The following TSNARE1 variants were observed in gnomAD, a reference collection of about 807,000 sequenced individuals.
TSNARE1 encodes the protein t-SNARE domain containing 1, also known as t-SNARE domain-containing protein 1.
A neutral mutation model predicts 62.0 loss-of-function variants in TSNARE1; 49 were observed. The observed-to-expected ratio is 0.79, with a 90% CI of 0.63 to 1.00. TSNARE1 has a LOEUF of 1.00. TSNARE1 is among the 50% of genes least tolerant of loss of function. The pLI is 0.00. For missense variants in TSNARE1, 755 were observed against 700.1 expected (o/e 1.08, Z -0.88); for synonymous variants, 328 against 294.4 (o/e 1.11, Z -1.17).
rs139825680 is a variant in TSNARE1 at position 142,276,536 on chromosome 8, T to C, written c.1364-1673A>G. The C allele has an allele frequency of 1.4e-3, 1,336 of 985,414 alleles. 4 individuals carry two copies. Among genetic ancestry groups the C allele is most frequent in the Middle Eastern group, 2.1e-3 (4 of 1,914 alleles). 61.0% of individuals were successfully genotyped at this position (985,414 alleles called of 1,614,324 possible). A position where few individuals can be genotyped will look rare whatever the true frequency, so the allele number is the denominator to read the frequency against. On this transcript the variant is annotated intron_variant, in intron 11 of 13. Transcript: ENST00000524325. ...GGTGAATGTGGACAGTGGAGAGCAT[T>C]TGCCAGCAGAGACAGGAAGGCCATG...
intron 13 of TSNARE1, among the ~76,000 whole-genome samples, chr8:142,226,446 T>TTGCG (rs1816777638): frequency 6.6e-6 from 1 of 152,186 alleles, no homozygotes; most frequent in South Asian, 2.1e-4. Context: ...GCTGTCCTGC[T>TTGCG]TGCGTCTGCC....
chr8:142,305,622 C>T (rs968456628), intron 9 of TSNARE1, among the ~76,000 whole-genome samples: 1 of 152,140 alleles, frequency 6.6e-6, no homozygotes, highest in African/African-American at 2.4e-5. Flanking sequence ...CTTAGACGCC[C>T]GGGTCCCTCC....
chr8:142,345,844 G>A lies in TSNARE1; in HGVS notation c.137C>T (p.Pro46Leu), dbSNP rs148903424. The part of the protein sequence containing the change: ...TEYGIRHFPC[P>L]SPESKLQNRC... Reference sequence around the variant, plus strand: ...GTTCTGCAGCTTGCTCTCTGGCGACGGGCAGGGGAAATGGCGGATTCCATA... The same window carrying A: ...GTTCTGCAGCTTGCTCTCTGGCGACAGGCAGGGGAAATGGCGGATTCCATA... Residue 46 changes from proline (P) to leucine (L), a missense_variant, in exon 3 of 14, where the codon CCG (proline) becomes CTG (leucine). Physicochemically the swap from Pro to Leu is moderately conservative, Grantham distance 98. Coordinates refer to ENST00000524325, the MANE Select transcript of TSNARE1 (RefSeq NM_145003.5). 2.5e-5 allele frequency: 41 copies of A among 1,613,802 alleles called. No homozygotes were observed. Among genetic ancestry groups the A allele is most frequent in the South Asian group, 5.5e-5 (5 of 91,052 alleles).
intron 12 of TSNARE1, among the ~76,000 whole-genome samples, chr8:142,258,959 G>T (rs1051751272): frequency 6.6e-6 from 1 of 152,140 alleles, no homozygotes; most frequent in African/African-American, 2.4e-5. Flanking sequence ...CATCACCGGG[G>T]CCCTACTCCC....
At chr8:142,274,503 G>A (rs997994839) in intron 12 of TSNARE1, 18 of 985,348 alleles carry the variant, frequency 1.8e-5, no homozygotes, top group Admixed American at 6.1e-5. Flanking sequence ...CCCTCCCCTC[G>A]GCTGCACCCC....
intron 13 of TSNARE1, among the ~76,000 whole-genome samples, chr8:142,227,757 A>G (rs371513956): frequency 5.9e-5 from 9 of 152,276 alleles, no homozygotes; most frequent in African/African-American, 2.2e-4. Flanking sequence ...TCTTCACACA[A>G]ATCCAAGACC....
intron 9 of TSNARE1, among the ~76,000 whole-genome samples, chr8:142,303,962 C>A (rs1214554775): frequency 9.9e-5 from 15 of 152,234 alleles, no homozygotes; most frequent in Non-Finnish European, 1.8e-4. Flanking sequence ...GGCACGGCCA[C>A]CCTCGTCTAA....
At chr8:142,305,313 G>A (rs1227635617) in intron 9 of TSNARE1, among the ~76,000 whole-genome samples, 3 of 143,238 alleles carry the variant, frequency 2.1e-5, no homozygotes, top group Non-Finnish European at 4.6e-5. Flanking sequence ...TGCATGTGGA[G>A]AAGGGGAAGC....
At chr8:142,363,830 G>C (rs547012096) in intron 1 of TSNARE1, among the ~76,000 whole-genome samples, 2 of 152,218 alleles carry the variant, frequency 1.3e-5, no homozygotes, top group East Asian at 3.9e-4. Context: ...GCACGCCCTC[G>C]CAAGAGACCG....
At position 142,324,261 on chromosome 8, in the gene TSNARE1, C is replaced by T. The variant is rs996320739; in HGVS notation, c.894-5627G>A. Reference sequence around the variant, plus strand: ...GCTTTACAAAACCCATGTATCCCCACAAAGCCAGCTCTGCACAGTTTTGGT... The same window carrying T: ...GCTTTACAAAACCCATGTATCCCCATAAAGCCAGCTCTGCACAGTTTTGGT... On this transcript the variant is annotated intron_variant, in intron 6 of 13. Transcript: ENST00000524325. Among the ~76,000 whole-genome samples, 4 of 152,364 alleles carry T rather than the reference C, an allele frequency of 2.6e-5. No individual in the cohort carries two copies. In the East Asian group the frequency reaches 5.8e-4, roughly 22 times the overall value.
At chr8:142,314,219 G>A (rs1828134469) in intron 9 of TSNARE1, among the ~76,000 whole-genome samples, 165 bp downstream of exon 9, 1 of 152,210 alleles carries the variant, frequency 6.6e-6, no homozygotes. Flanking sequence ...ACTGTGCCAG[G>A]GCCCAAAGGT....
At chr8:142,401,834 G>C (rs1838314220) in intron 1 of TSNARE1, among the ~76,000 whole-genome samples, 1 of 152,170 alleles carries the variant, frequency 6.6e-6, no homozygotes, top group African/African-American at 2.4e-5. Context: ...CCAGATTTCT[G>C]CTGCGGTCCT....
intron 6 of TSNARE1, among the ~76,000 whole-genome samples, chr8:142,322,717 C>A (rs1829643776): frequency 6.6e-6 from 1 of 151,672 alleles, no homozygotes; most frequent in Non-Finnish European, 1.5e-5. Flanking sequence ...CTTGGCCGTG[C>A]CTGTGGGCTG....
At chr8:142,283,813 GGTGGGGC>G in intron 11 of TSNARE1, among the ~76,000 whole-genome samples, 1 of 133,596 alleles carries the variant, frequency 7.5e-6, no homozygotes, top group East Asian at 2.2e-4. Context: ...AATGAGCGGA[GGTGGGGC>G]CAGTGTCTGT....
At chr8:142,284,363 A>T in intron 11 of TSNARE1, 50 bp downstream of exon 11, 1 of 1,475,828 alleles carries the variant, frequency 6.8e-7, no homozygotes, top group Non-Finnish European at 9.5e-7. Context: ...GGGGGCTGGC[A>T]GGCAGGCCCT....
intron 12 of TSNARE1, among the ~76,000 whole-genome samples, chr8:142,245,482 C>T (rs968026959): frequency 6.6e-6 from 1 of 152,098 alleles, no homozygotes; most frequent in Non-Finnish European, 1.5e-5. Flanking sequence ...TCTGCATCAG[C>T]GAAAATTATG....
rs528825966 is a variant in TSNARE1 at position 142,336,851 on chromosome 8, CAG to C, written c.746-5022_746-5021del. On this transcript the variant is annotated intron_variant, in intron 4 of 13. Coordinates refer to ENST00000524325, the MANE Select transcript of TSNARE1 (RefSeq NM_145003.5). The stretch of plus-strand genomic sequence containing the variant: ...TGAAAAGAGAACTAGAAATCAGTAA[CAG>C]AAAGTTATCTGTGAATGACATAATC... Among the ~76,000 whole-genome samples, 886 of 152,242 alleles carry C rather than the reference CAG, an allele frequency of 5.8e-3. 4 individuals carry two copies. Among genetic ancestry groups the C allele is most frequent in the Admixed American group, 7.3e-3 (112 of 15,292 alleles).
intron 12 of TSNARE1, among the ~76,000 whole-genome samples, chr8:142,242,947 CAAAAAA>C (rs35092120): frequency 5.8e-5 from 3 of 51,368 alleles, no homozygotes; most frequent in South Asian, 9.5e-4. Context: ...AACTCTGTCT[CAAAAAA>C]AAAAAAAAAA....
At chr8:142,257,892 C>T (rs1257525033) in intron 12 of TSNARE1, among the ~76,000 whole-genome samples, 1 of 152,142 alleles carries the variant, frequency 6.6e-6, no homozygotes, top group Non-Finnish European at 1.5e-5. Context: ...TGCTCCCACC[C>T]ACTGCCCCTG....
Sources: allele counts gnomAD v4.1 joint callset (sites outside exome capture counted in the v4.1 genomes callset), GRCh38; gene constraint gnomAD v4.1.1; transcripts MANE v1.5; gene names NCBI Gene and HGNC (gene_info 2026-07-23, HGNC 2026-07-21).